The following ENTPD1 variants were observed in gnomAD, a reference collection of about 807,000 sequenced individuals.
ENTPD1 encodes the protein ATP diphosphohydrolase.
A neutral mutation model predicts 57.0 loss-of-function variants in ENTPD1; 33 were observed. The ratio of observed to expected loss-of-function variants is 0.58; its 90% CI spans 0.44 to 0.77. The LOEUF (loss-of-function observed/expected upper bound fraction) is 0.77, where lower values mean the gene tolerates loss of function less well. Among genes scored for constraint, ENTPD1 ranks in the 30% least tolerant of loss-of-function variants. ENTPD1 has a pLI of 0.00. For synonymous variants in ENTPD1, 202 were observed against 218.8 expected (o/e 0.92, Z 0.68); for missense variants, 501 against 603.4 (o/e 0.83, Z 1.78).
intron 1 of ENTPD1, among the ~76,000 whole-genome samples, chr10:95,820,692 C>T (rs1424009724): frequency 6.6e-6 from 1 of 152,210 alleles, no homozygotes; most frequent in Non-Finnish European, 1.5e-5. Context: ...TGATACCTTT[C>T]CCTTCATTCC....
chr10:95,728,896 G>A (rs902844718), intron 1 of ENTPD1, among the ~76,000 whole-genome samples: 1 of 152,032 alleles, frequency 6.6e-6, no homozygotes, highest in African/African-American at 2.4e-5. Context: ...CTGTGTTTGT[G>A]TAAGTTTTGA....
chr10:95,839,364 G>A (rs949755947), intron 2 of ENTPD1: 1 of 357,866 alleles, frequency 2.8e-6, no homozygotes, highest in African/African-American at 2.1e-5. Context: ...TCCTTCCATA[G>A]TGTCTCAGCT....
chr10:95,714,510 C>A (rs1182240564), intron 1 of ENTPD1, among the ~76,000 whole-genome samples: 2 of 152,014 alleles, frequency 1.3e-5, no homozygotes, highest in South Asian at 2.1e-4. Context: ...TTTTGTCTAC[C>A]AAACCATGTG....
At chr10:95,711,827 A>C in exon 1 of ENTPD1, 1 of 1,343,738 alleles carries the variant, frequency 7.4e-7, no homozygotes. Context: ...CTTTTCTCCT[A>C]TTAACCTGCC....
chr10:95,817,122 A>G (rs1052947448), intron 1 of ENTPD1, among the ~76,000 whole-genome samples: 5 of 152,142 alleles, frequency 3.3e-5, no homozygotes, highest in Non-Finnish European at 5.9e-5. Flanking sequence ...AGTTTGACTA[A>G]CTGCTGATGG....
chr10:95,776,531 T>G (rs952831144), intron 1 of ENTPD1, among the ~76,000 whole-genome samples: 2 of 152,250 alleles, frequency 1.3e-5, no homozygotes, highest in Non-Finnish European at 2.9e-5. Context: ...TGGGCTTCCC[T>G]TTGTGGGTAA....
chr10:95,844,399 G>A, intron 4 of ENTPD1, 77 bp from the exon 5 acceptor site: 2 of 1,591,210 alleles, frequency 1.3e-6, no homozygotes, highest in Non-Finnish European at 8.6e-7. Flanking sequence ...AGCACTGTGT[G>A]GATGCTGTAG....
chr10:95,864,941 G>A (rs1490441894), intron 9 of ENTPD1, 80 bp downstream of exon 9: 1 of 1,523,020 alleles, frequency 6.6e-7, no homozygotes, highest in Non-Finnish European at 9.0e-7. Flanking sequence ...TTGAAAAAGG[G>A]GGGAGTCAGC....
At chr10:95,778,525 A>G (rs2098143106) in intron 1 of ENTPD1, among the ~76,000 whole-genome samples, 1 of 152,212 alleles carries the variant, frequency 6.6e-6, no homozygotes, top group Non-Finnish European at 1.5e-5. Context: ...TGGGGAAACT[A>G]ATATTCCCTA....
intron 2 of ENTPD1, among the ~76,000 whole-genome samples, chr10:95,829,369 GGTTGCTCCCATC>G (rs1409105225): frequency 2.6e-5 from 4 of 152,180 alleles, no homozygotes; most frequent in African/African-American, 9.7e-5. Context: ...GTTGGTCAAG[GGTTGCTCCCATC>G]TGGTGTTAAG....
exon 1 of ENTPD1, chr10:95,711,819 T>C: frequency 8.2e-7 from 1 of 1,212,690 alleles, no homozygotes; most frequent in Non-Finnish European, 1.2e-6. Flanking sequence ...TTGTATGCCT[T>C]TTCTCCTATT....
At chr10:95,847,828 T>A (rs986291380) in intron 7 of ENTPD1, 122 bp downstream of exon 7, 29 of 1,425,576 alleles carry the variant, frequency 2.0e-5, no homozygotes, top group Non-Finnish European at 2.5e-5. Flanking sequence ...GGTAGATGAT[T>A]AGGGGTTGGT....
At chr10:95,846,889 T>C (rs2098436727) in intron 6 of ENTPD1, among the ~76,000 whole-genome samples, 1 of 151,870 alleles carries the variant, frequency 6.6e-6, no homozygotes, top group Admixed American at 6.6e-5. Context: ...CTAAGGAGTC[T>C]GAGGCAGGAG....
rs565617444 is a variant in ENTPD1 at position 95,804,541 on chromosome 10, C to T, written c.17-18696C>T. ...TGATTTTTGCACATTAAATTTGTTTCCTGTGACTTTGCTGAAGTTGCTTAT... is the reference window on the plus strand; with the variant it reads ...TGATTTTTGCACATTAAATTTGTTTTCTGTGACTTTGCTGAAGTTGCTTAT... On this transcript the variant is annotated intron_variant, in intron 1 of 9. Transcript: ENST00000371205. Among the ~76,000 whole-genome samples, 7 of 152,290 alleles carry T rather than the reference C, an allele frequency of 4.6e-5. No individual in the cohort carries two copies. The South Asian group carries it at 1.4e-3, about 32-fold the overall frequency.
At chr10:95,724,380 G>C (rs190862205) in intron 1 of ENTPD1, among the ~76,000 whole-genome samples, 1 of 152,090 alleles carries the variant, frequency 6.6e-6, no homozygotes, top group African/African-American at 2.4e-5. Context: ...GGGGCGGGGT[G>C]GTCCTTGTTC....
intron 7 of ENTPD1, 38 bp from the exon 8 acceptor site, chr10:95,860,431 T>G (rs764180232): frequency 6.4e-7 from 1 of 1,566,064 alleles, no homozygotes; most frequent in Non-Finnish European, 8.7e-7. Flanking sequence ...CATCCCTCTG[T>G]GTGGAACACA....
chr10:95,811,652 A>G (rs1022106223), intron 1 of ENTPD1, among the ~76,000 whole-genome samples: 13 of 152,146 alleles, frequency 8.5e-5, no homozygotes, highest in African/African-American at 2.9e-4. Context: ...GGCCTCCCAA[A>G]GCACTGGGGT....
Position 95,871,457 on chromosome 10 carries a change from A to G in ENTPD1, c.*5074A>G. On this transcript the variant is annotated 3_prime_UTR_variant, in exon 10 of 10. Coordinates refer to ENST00000371205, the MANE Select transcript of ENTPD1 (RefSeq NM_001776.6). ...GTCCTAGGAAACCATACATCTATGTATTTTTCTTATTTTATACGTTTAGGA... is the reference window on the plus strand; with the variant it reads ...GTCCTAGGAAACCATACATCTATGTGTTTTTCTTATTTTATACGTTTAGGA... 1 of 985,362 alleles carries G rather than the reference A, an allele frequency of 1.0e-6. No individual in the cohort carries two copies. Among genetic ancestry groups the G allele is most frequent in the Non-Finnish European group, 1.2e-6 (1 of 829,906 alleles). 61.0% of individuals were successfully genotyped at this position (985,362 alleles called of 1,614,324 possible).
intron 7 of ENTPD1, among the ~76,000 whole-genome samples, chr10:95,850,416 A>C (rs892972062): frequency 6.6e-6 from 1 of 151,870 alleles, no homozygotes; most frequent in Non-Finnish European, 1.5e-5. Context: ...CTGTTTCCTC[A>C]TCTGTACAAT....
Sources: allele counts gnomAD v4.1 joint callset (sites outside exome capture counted in the v4.1 genomes callset), GRCh38; gene constraint gnomAD v4.1.1; transcripts MANE v1.5; gene names NCBI Gene and HGNC (gene_info 2026-07-23, HGNC 2026-07-21).